MAD1L1: variants seen among roughly 807,000 people sequenced by gnomAD.
The protein encoded by MAD1L1 is mitotic spindle assembly checkpoint protein MAD1.
MAD1L1 carries 95 observed loss-of-function variants against 96.9 expected under a neutral mutation model. The ratio of observed to expected loss-of-function variants is 0.98; its 90% CI spans 0.83 to 1.16. The LOEUF (loss-of-function observed/expected upper bound fraction) is 1.16. Ranked by LOEUF, MAD1L1 falls within the 50% of genes most tolerant of loss-of-function variation. The pLI, the probability that MAD1L1 is intolerant of heterozygous loss-of-function variation, is 0.00. For synonymous variants in MAD1L1, 473 were observed against 396.6 expected (o/e 1.19, Z -2.29); for missense variants, 1,007 against 954.4 (o/e 1.06, Z -0.73).
intron 11 of MAD1L1, among the ~76,000 whole-genome samples, chr7:2,141,969 G>A (rs545414694): frequency 2.4e-3 from 368 of 152,308 alleles, no homozygotes; most frequent in Non-Finnish European, 3.3e-3. Context: ...AGCCATCACC[G>A]GCCAGCAGGT....
intron 18 of MAD1L1, among the ~76,000 whole-genome samples, chr7:1,829,928 G>A (rs896304422): frequency 1.3e-5 from 2 of 152,160 alleles, no homozygotes; most frequent in African/African-American, 4.8e-5. Flanking sequence ...GATCACCTCT[G>A]TAAAGTACAG....
intron 18 of MAD1L1, chr7:1,854,464 G>A: frequency 2.3e-6 from 1 of 433,808 alleles, no homozygotes; most frequent in Non-Finnish European, 4.6e-6. Context: ...GCAGGGTAAG[G>A]CACAGGCAGA....
chr7:1,949,622 C>T (rs1779394443), intron 16 of MAD1L1, among the ~76,000 whole-genome samples: 1 of 152,212 alleles, frequency 6.6e-6, no homozygotes, highest in Admixed American at 6.5e-5. Flanking sequence ...TTCCACCTCC[C>T]CTGAAACCCC....
intron 18 of MAD1L1, among the ~76,000 whole-genome samples, chr7:1,827,459 A>G (rs1479704761): frequency 3.3e-5 from 3 of 90,388 alleles, no homozygotes; most frequent in East Asian, 3.3e-4. Flanking sequence ...TCCCCTCCTG[A>G]GCCCGTCGCG....
At chr7:2,184,877 C>T (rs1277357304) in intron 10 of MAD1L1, among the ~76,000 whole-genome samples, 12 of 152,188 alleles carry the variant, frequency 7.9e-5, no homozygotes, top group Non-Finnish European at 1.8e-4. Context: ...TAGCGCACGC[C>T]TGTAATCCCA....
chr7:2,155,658 A>G (rs1231809947), intron 10 of MAD1L1, among the ~76,000 whole-genome samples: 1 of 152,224 alleles, frequency 6.6e-6, no homozygotes, highest in Non-Finnish European at 1.5e-5. Flanking sequence ...TTGAAGGCTG[A>G]GTAATACTCC....
chr7:1,959,956 A>G (rs1779884677), intron 15 of MAD1L1, among the ~76,000 whole-genome samples: 1 of 152,254 alleles, frequency 6.6e-6, no homozygotes, highest in Non-Finnish European at 1.5e-5. Flanking sequence ...AAAGTGATTA[A>G]TAGATTAAAC....
intron 17 of MAD1L1, among the ~76,000 whole-genome samples, chr7:1,925,933 T>A (rs1789062335): frequency 6.6e-6 from 1 of 150,396 alleles, no homozygotes; most frequent in Admixed American, 6.6e-5. Context: ...AACACAAAAC[T>A]ACAACAGCAA....
At chr7:2,060,028 AAGATACGCCGATGCCG>A (rs541502891) in intron 12 of MAD1L1, among the ~76,000 whole-genome samples, 11 of 152,304 alleles carry the variant, frequency 7.2e-5, no homozygotes, top group South Asian at 2.1e-4. Context: ...CATGGTTCAC[AAGATACGCCGATGCCG>A]AGATACACCG....
chr7:2,152,240 G>T (rs954336802), intron 10 of MAD1L1, among the ~76,000 whole-genome samples: 2 of 152,162 alleles, frequency 1.3e-5, no homozygotes, highest in African/African-American at 4.8e-5. Flanking sequence ...GATCCCTGCC[G>T]GCTCTCAGTC....
chr7:2,177,760 C>A (rs1791012720), intron 10 of MAD1L1, among the ~76,000 whole-genome samples: 1 of 152,186 alleles, frequency 6.6e-6, no homozygotes, highest in African/African-American at 2.4e-5. Flanking sequence ...TGAAAAGTTT[C>A]TGCTCGACTC....
At chr7:1,938,754 A>G (rs1213433974) in intron 16 of MAD1L1, among the ~76,000 whole-genome samples, 13 of 145,564 alleles carry the variant, frequency 8.9e-5, no homozygotes, top group East Asian at 4.3e-4. Flanking sequence ...ACGCACACAC[A>G]CACACACACA....
intron 11 of MAD1L1, among the ~76,000 whole-genome samples, chr7:2,108,045 C>G (rs1299291813): frequency 1.3e-5 from 2 of 152,020 alleles, no homozygotes; most frequent in Non-Finnish European, 1.5e-5. Flanking sequence ...CGGAAAACAC[C>G]TGTTTTAAAA....
At chr7:2,086,604 G>C (rs1004750759) in intron 11 of MAD1L1, among the ~76,000 whole-genome samples, 4 of 152,188 alleles carry the variant, frequency 2.6e-5, no homozygotes, top group African/African-American at 9.7e-5. Flanking sequence ...CCCAGAGCTG[G>C]AGTGCAATGG....
chr7:1,933,869 A>T (rs908302094), intron 17 of MAD1L1, among the ~76,000 whole-genome samples: 5 of 152,088 alleles, frequency 3.3e-5, no homozygotes, highest in Admixed American at 3.3e-4. Flanking sequence ...CCCTAACGCC[A>T]CTTGCAGCCA....
chr7:2,144,482 C>T (rs768908710), intron 11 of MAD1L1, among the ~76,000 whole-genome samples: 8 of 152,168 alleles, frequency 5.3e-5, no homozygotes, highest in Non-Finnish European at 7.4e-5. Context: ...CATCCCTGCC[C>T]GAGCTTCCCA....
At chr7:2,197,328 A>G (rs1584524039) in intron 10 of MAD1L1, among the ~76,000 whole-genome samples, 1 of 152,132 alleles carries the variant, frequency 6.6e-6, no homozygotes, top group Admixed American at 6.5e-5. Flanking sequence ...GGACTGGAAA[A>G]CAGCCCCTGA....
At chr7:1,917,540 C>G (rs963569672) in intron 17 of MAD1L1, among the ~76,000 whole-genome samples, 1 of 152,268 alleles carries the variant, frequency 6.6e-6, no homozygotes, top group African/African-American at 2.4e-5. Flanking sequence ...CACTGAAGAG[C>G]TCCCACTTCA....
chr7:2,014,481 C>A, intron 13 of MAD1L1, 21 bp downstream of exon 13: 2 of 1,546,026 alleles, frequency 1.3e-6, no homozygotes, highest in Non-Finnish European at 1.7e-6. Flanking sequence ...CGACGTGAGC[C>A]CCACGCCCGC....
Sources: gnomAD v4.1 joint callset for allele counts (sites outside exome capture counted in the v4.1 genomes callset) on GRCh38, gnomAD v4.1.1 for gene constraint, MANE v1.5 for transcripts, NCBI Gene and HGNC (gene_info 2026-07-23, HGNC 2026-07-21) for gene names.